The following SEMA5A variants were observed in gnomAD, a reference collection of about 807,000 sequenced individuals.
SEMA5A encodes the protein semaphorin 5A.
SEMA5A carries 55 observed loss-of-function variants against 135.5 expected under a neutral mutation model. The ratio of observed to expected loss-of-function variants is 0.41; its 90% CI spans 0.33 to 0.51. SEMA5A has a LOEUF of 0.51. Among genes scored for constraint, SEMA5A ranks in the 20% least tolerant of loss-of-function variants. The pLI is 0.37. For missense variants in SEMA5A, 1,290 were observed against 1,419.9 expected (o/e 0.91, Z 1.47); for synonymous variants, 580 against 546.5 (o/e 1.06, Z -0.85).
chr5:9,442,089 G>A (rs2126681607), intron 1 of SEMA5A, among the ~76,000 whole-genome samples: 1 of 152,290 alleles, frequency 6.6e-6, no homozygotes, highest in African/African-American at 2.4e-5. Flanking sequence ...CATGGCCCTT[G>A]CCAAGCAAAG....
chr5:9,199,676 G>T (rs528991857), intron 9 of SEMA5A, among the ~76,000 whole-genome samples: 2 of 152,060 alleles, frequency 1.3e-5, no homozygotes, highest in African/African-American at 4.8e-5. Context: ...ACCCCCCACC[G>T]CAACTTTACT....
intron 10 of SEMA5A, among the ~76,000 whole-genome samples, chr5:9,191,102 T>G (rs1745088008): frequency 6.6e-6 from 1 of 151,964 alleles, no homozygotes. Flanking sequence ...ATGGCAAATT[T>G]ATAAGAAGAA....
intron 2 of SEMA5A, among the ~76,000 whole-genome samples, chr5:9,425,530 C>T (rs1160343885): frequency 1.3e-5 from 2 of 152,188 alleles, no homozygotes; most frequent in Non-Finnish European, 2.9e-5. Context: ...GACCACTAGC[C>T]CTTGGTGACC....
chr5:9,196,243 G>A (rs1463437754), intron 10 of SEMA5A, among the ~76,000 whole-genome samples: 1 of 152,206 alleles, frequency 6.6e-6, no homozygotes, highest in African/African-American at 2.4e-5. Flanking sequence ...GGCTGTATAT[G>A]GAGATGGGGT....
chr5:9,540,322 G>C (rs1011175559), intron 1 of SEMA5A, among the ~76,000 whole-genome samples: 9 of 152,048 alleles, frequency 5.9e-5, no homozygotes, highest in African/African-American at 1.9e-4. Flanking sequence ...GGGCGCGGTG[G>C]CTCACGCCTG....
intron 1 of SEMA5A, among the ~76,000 whole-genome samples, chr5:9,525,407 C>A (rs1020466740): frequency 1.9e-4 from 29 of 152,294 alleles, no homozygotes; most frequent in African/African-American, 6.7e-4. Flanking sequence ...CTAGTGTGTC[C>A]ATCTGAGACT....
At chr5:9,207,896 G>GATAGATAC (rs1554003536) in intron 8 of SEMA5A, among the ~76,000 whole-genome samples, 4 of 25,264 alleles carry the variant, frequency 1.6e-4, no homozygotes, top group Non-Finnish European at 2.5e-4. Flanking sequence ...TAGATAGATA[G>GATAGATAC]ATACATAGAT....
At chr5:9,117,813 C>T (rs1740603220) in intron 15 of SEMA5A, among the ~76,000 whole-genome samples, 1 of 152,314 alleles carries the variant, frequency 6.6e-6, no homozygotes, top group Non-Finnish European at 1.5e-5. Context: ...GACAATTCTT[C>T]CATAATAGGC....
rs116679978 is a variant in SEMA5A, at chr5:9,198,829, T to G, written c.933-1526A>C. On this transcript the variant is annotated intron_variant, in intron 9 of 22. Coordinates refer to ENST00000382496, the MANE Select transcript of SEMA5A (RefSeq NM_003966.3). The stretch of plus-strand genomic sequence containing the variant: ...ATAAGTGTGCTGGAGTAAGAATGGC[T>G]AGACACAGGATATCCCATCCAGGCA... 3.2e-3 allele frequency among the ~76,000 whole-genome samples: 494 copies of G among 152,248 alleles called. 3 individuals are homozygous for G. The highest frequency in any genetic ancestry group is 0.012 in the African/African-American group (480 of 41,548).
chr5:9,050,568 T>A (rs769797909), intron 20 of SEMA5A, 111 bp from the exon 21 acceptor site: 63 of 892,994 alleles, frequency 7.1e-5, no homozygotes, highest in Non-Finnish European at 9.6e-5. Flanking sequence ...TGACACAAAG[T>A]TTCAAAAGCT....
At chr5:9,386,149 T>C (rs892420265) in intron 2 of SEMA5A, among the ~76,000 whole-genome samples, 3 of 152,158 alleles carry the variant, frequency 2.0e-5, no homozygotes, top group African/African-American at 2.4e-5. Context: ...TTCCATTTCT[T>C]AGCCCTGTTT....
chr5:9,325,658 A>C (rs1752839277), intron 4 of SEMA5A, among the ~76,000 whole-genome samples: 1 of 152,144 alleles, frequency 6.6e-6, no homozygotes, highest in Non-Finnish European at 1.5e-5. Context: ...CATTAAAGAA[A>C]AGGTTGAGCC....
At chr5:9,315,549 A>G (rs754896273) in intron 5 of SEMA5A, among the ~76,000 whole-genome samples, 29 of 152,106 alleles carry the variant, frequency 1.9e-4, no homozygotes, top group Non-Finnish European at 4.0e-4. Context: ...CTATTTGTTG[A>G]GCTTTATGAT....
chr5:9,175,390 T>C (rs1287151774), intron 11 of SEMA5A, among the ~76,000 whole-genome samples: 1 of 151,932 alleles, frequency 6.6e-6, no homozygotes, highest in Non-Finnish European at 1.5e-5. Flanking sequence ...TGAACACCCA[T>C]CCCATTGGCA....
chr5:9,242,473 C>A (rs186003918), intron 5 of SEMA5A, among the ~76,000 whole-genome samples: 3 of 152,190 alleles, frequency 2.0e-5, no homozygotes, highest in African/African-American at 7.2e-5. Flanking sequence ...CATTTCCGTC[C>A]ATGTCAAATA....
At chr5:9,136,694 C>A (rs1253328160) in intron 12 of SEMA5A, 73 bp from the exon 13 acceptor site, 1 of 1,226,960 alleles carries the variant, frequency 8.2e-7, no homozygotes, top group Non-Finnish European at 1.2e-6. Flanking sequence ...CAAGGCGAAC[C>A]TGTCCCTTGG....
At chr5:9,495,686 G>A (rs988824339) in intron 1 of SEMA5A, among the ~76,000 whole-genome samples, 1 of 152,136 alleles carries the variant, frequency 6.6e-6, no homozygotes, top group South Asian at 2.1e-4. Context: ...AAACTGGCGG[G>A]GCCTCCGGCT....
At chr5:9,341,201 C>CAT (rs1364616024) in intron 3 of SEMA5A, among the ~76,000 whole-genome samples, 3 of 146,840 alleles carry the variant, frequency 2.0e-5, no homozygotes, top group African/African-American at 7.6e-5. Context: ...CACACACACA[C>CAT]ACATACACAC....
chr5:9,331,534 C>A (rs1344751719), intron 4 of SEMA5A, among the ~76,000 whole-genome samples: 1 of 152,190 alleles, frequency 6.6e-6, no homozygotes, highest in Admixed American at 6.5e-5. Context: ...AAAACCCTAA[C>A]TAAAGTCTAA....
Sources: gnomAD v4.1 joint callset for allele counts (sites outside exome capture counted in the v4.1 genomes callset) on GRCh38, gnomAD v4.1.1 for gene constraint, MANE v1.5 for transcripts, NCBI Gene and HGNC (gene_info 2026-07-23, HGNC 2026-07-21) for gene names.